Variants in IMPG2 observed in about 807,000 individuals in gnomAD.
IMPG2 encodes the protein interphotoreceptor matrix proteoglycan 2, also known as IPM 200.
A neutral mutation model predicts 129.2 loss-of-function variants in IMPG2; 91 were observed. The observed-to-expected ratio is 0.70, with a 90% CI of 0.59 to 0.84. The LOEUF (loss-of-function observed/expected upper bound fraction) is 0.84, where lower values mean the gene tolerates loss of function less well. IMPG2 is among the 40% of genes least tolerant of loss of function. IMPG2 has a pLI of 0.00. For synonymous variants in IMPG2, 510 were observed against 517.7 expected, an observed-to-expected ratio of 0.99 and a Z score of 0.20; for missense variants, 1,430 against 1,461.7, an observed-to-expected ratio of 0.98 and a Z score of 0.35.
chr3:101,237,947 C>A (rs1190232202), intron 14 of IMPG2, among the ~76,000 whole-genome samples: 1 of 151,880 alleles, frequency 6.6e-6, no homozygotes, highest in African/African-American at 2.4e-5. Flanking sequence ...CATGTTCTAA[C>A]CCAATGCAAG....
In IMPG2 at chr3:101,269,817, T is replaced by G. The variant is rs1706760865; in HGVS notation, c.829-244A>C. 3.3e-5 allele frequency among the ~76,000 whole-genome samples: 5 copies of G among 151,134 alleles called. No individual in the cohort carries two copies. In the South Asian group the frequency reaches 1.0e-3, roughly 32 times the overall value. On this transcript the variant is annotated intron_variant, in intron 7 of 18. Transcript: ENST00000193391. ...CTTTAATATTAATTTTTCCAAATTA[T>G]AAAAAGCATACTCCTTGTTGGCAAA... is the stretch of plus-strand genomic sequence containing the variant.
At chr3:101,255,753 T>C (rs1706591536) in intron 10 of IMPG2, among the ~76,000 whole-genome samples, 1 of 152,090 alleles carries the variant, frequency 6.6e-6, no homozygotes, top group Non-Finnish European at 1.5e-5. Context: ...TCTTATCTGT[T>C]CACTATTTTA....
At chr3:101,252,142 C>T (rs1261070247) in intron 11 of IMPG2, among the ~76,000 whole-genome samples, 1 of 152,158 alleles carries the variant, frequency 6.6e-6, no homozygotes, top group East Asian at 1.9e-4. Flanking sequence ...AAGCTCCAGC[C>T]ACTTTCTGCC....
chr3:101,294,725 C>T (rs1287889958), intron 3 of IMPG2, among the ~76,000 whole-genome samples: 1 of 152,178 alleles, frequency 6.6e-6, no homozygotes, highest in Non-Finnish European at 1.5e-5. Flanking sequence ...TAAAAGCATT[C>T]CTATTTCTCA....
chr3:101,254,612 G>C (rs998549207), intron 10 of IMPG2, among the ~76,000 whole-genome samples: 7 of 152,030 alleles, frequency 4.6e-5, no homozygotes, highest in Non-Finnish European at 8.8e-5. Context: ...CTCACATAGA[G>C]ATATCAAGCA....
Position 101,245,798 on chromosome 3 carries a change from T to C in IMPG2, c.1543+4A>G, listed in dbSNP as rs1246408971. ...AAGTACGAAAAGCAATTAAAGTTTC[T>C]CACCATCTTCTACCAAGTGAGATCC... On this transcript the variant is annotated splice_donor_region_variant and intron_variant, in intron 12 of 18. Coordinates refer to ENST00000193391, the MANE Select transcript of IMPG2 (RefSeq NM_016247.4). 6.2e-7 allele frequency: 1 copy of C among 1,613,410 alleles called. No individual in the cohort carries two copies. Among genetic ancestry groups the C allele is most frequent in the Non-Finnish European group, 8.5e-7 (1 of 1,179,364 alleles).
chr3:101,286,103 A>G (rs950642164), intron 4 of IMPG2, among the ~76,000 whole-genome samples: 3 of 152,072 alleles, frequency 2.0e-5, no homozygotes, highest in African/African-American at 4.8e-5. Flanking sequence ...CTTCTCTTTA[A>G]GAGAAGGATA....
chr3:101,301,496 C>CCCT (rs1707139064), intron 3 of IMPG2, among the ~76,000 whole-genome samples: 1 of 152,196 alleles, frequency 6.6e-6, no homozygotes, highest in African/African-American at 2.4e-5. Context: ...CATCCCAGAC[C>CCCT]CCTATCCTTG....
rs774027495 is a variant in IMPG2 at position 101,244,237 on chromosome 3, C to T, written c.2094G>A (p.Ala698=). ...PIFADTAAES[A]SLTLPKHISE... is the part of the protein sequence containing the mutation. ...ATATGTGCTTGGGGAGGGTTAGAGACGCAGATTCAGCTGCAGTATCTGCGA... is the reference window on the plus strand; with the variant it reads ...ATATGTGCTTGGGGAGGGTTAGAGATGCAGATTCAGCTGCAGTATCTGCGA... Residue 698 remains alanine (A), a synonymous_variant, in exon 13 of 19, where the codon GCG becomes GCA. Coordinates refer to ENST00000193391, the MANE Select transcript of IMPG2 (RefSeq NM_016247.4). 41 of 1,613,806 alleles carry T rather than the reference C, an allele frequency of 2.5e-5. No homozygotes were observed. Among genetic ancestry groups the T allele is most frequent in the Non-Finnish European group, 2.7e-5 (32 of 1,179,984 alleles).
intron 2 of IMPG2, among the ~76,000 whole-genome samples, chr3:101,314,031 T>C (rs1360928776): frequency 2.0e-5 from 3 of 152,122 alleles, no homozygotes; most frequent in South Asian, 2.1e-4. Context: ...TGATAAAAGA[T>C]ATGCAAGATC....
In IMPG2 at chr3:101,257,789, G is replaced by A; in HGVS notation, c.909-16C>T. ...ATCTACGCCACTATGGATGGAAAGA[G>A]AGAACAGGTTAGGTTCAGCTAAGGA... is the stretch of plus-strand genomic sequence containing the variant. On this transcript the variant is annotated splice_polypyrimidine_tract_variant and intron_variant, in intron 9 of 18. Transcript: ENST00000193391. 1 of 1,612,640 alleles carries A rather than the reference G, an allele frequency of 6.2e-7. No homozygotes were observed. The highest frequency in any genetic ancestry group is 1.1e-5 in the South Asian group (1 of 91,036).
At chr3:101,287,007 A>G (rs949250750) in intron 4 of IMPG2, among the ~76,000 whole-genome samples, 2 of 152,218 alleles carry the variant, frequency 1.3e-5, no homozygotes. Flanking sequence ...TAGTTGATAC[A>G]TTATGCAAGA....
At chr3:101,254,508 TA>T (rs1024077166) in intron 10 of IMPG2, among the ~76,000 whole-genome samples, 1 of 151,996 alleles carries the variant, frequency 6.6e-6, no homozygotes, top group Non-Finnish European at 1.5e-5. Flanking sequence ...AGGGAATCAA[TA>T]AAAGCTAAAA....
In IMPG2 at chr3:101,276,805, C is replaced by T. The variant is rs1706844610; in HGVS notation, c.534-92G>A. The T allele has an allele frequency of 3.3e-6, 3 of 919,572 alleles. No homozygotes were observed. The Admixed American group carries it at 6.1e-5, about 19-fold the overall frequency. The allele number at this position is 919,572 out of a possible 1,614,324, so 57.0% of individuals were successfully genotyped here. ...GGGTTGTTTTCCAAAAAGGAAAGCA[C>T]TAGATCACCAAGTAAGGGCTCCCAA... On this transcript the variant is annotated intron_variant, in intron 4 of 18. Transcript: ENST00000193391.
At chr3:101,287,320 G>A (rs540076858) in intron 4 of IMPG2, among the ~76,000 whole-genome samples, 1 of 152,200 alleles carries the variant, frequency 6.6e-6, no homozygotes, top group African/African-American at 2.4e-5. Flanking sequence ...ACTGCCCAAA[G>A]CAATTTACAG....
rs66908707 is a variant in IMPG2 at position 101,226,225 on chromosome 3, TTATATA to T, written c.*738_*743del. On this transcript the variant is annotated 3_prime_UTR_variant, in exon 19 of 19. Transcript: ENST00000193391. ...TAGATTAATGGGAATCTTCTAAACT[TTATATA>T]TATATATATATATATATATATATAT... 1.0e-3 allele frequency: 107 copies of T among 102,484 alleles called. No homozygotes were observed. Among genetic ancestry groups the T allele is most frequent in the East Asian group, 1.8e-3 (5 of 2,796 alleles). The allele number at this position is 102,484 out of a possible 1,614,324, so 6.3% of individuals were successfully genotyped here.
chr3:101,222,887 T>C lies in IMPG2; in HGVS notation c.*4082A>G, dbSNP rs1048214223. ...TGATACCACAATTATTTTTTCTATA[T>C]ATAATCTTAATCTTTAAAGAAGTAA... On this transcript the variant is annotated 3_prime_UTR_variant, in exon 19 of 19. Transcript: ENST00000193391. 3 of 152,236 alleles carry C rather than the reference T, an allele frequency of 2.0e-5. No individual in the cohort carries two copies. Among genetic ancestry groups the C allele is most frequent in the Admixed American group, 6.5e-5 (1 of 15,282 alleles). The allele number at this position is 152,236 out of a possible 1,614,324, so 9.4% of individuals were successfully genotyped here.
chr3:101,269,750 C>T (rs1706759590), intron 7 of IMPG2, among the ~76,000 whole-genome samples, 177 bp from the exon 8 acceptor site: 1 of 151,864 alleles, frequency 6.6e-6, no homozygotes, highest in African/African-American at 2.4e-5. Context: ...TAAACACTGC[C>T]ACATTTTTCT....
At chr3:101,302,491 G>A (rs1707149534) in intron 3 of IMPG2, among the ~76,000 whole-genome samples, 2 of 152,176 alleles carry the variant, frequency 1.3e-5, no homozygotes, top group Admixed American at 1.3e-4. Context: ...GCCCAATGGT[G>A]TGAAGGGAAA....
Sources: gnomAD v4.1 joint callset for allele counts (sites outside exome capture counted in the v4.1 genomes callset) on GRCh38, gnomAD v4.1.1 for gene constraint, MANE v1.5 for transcripts, NCBI Gene and HGNC (gene_info 2026-07-23, HGNC 2026-07-21) for gene names.